ALDH2: variants seen among roughly 807,000 people sequenced by gnomAD.
The protein encoded by ALDH2 is aldehyde dehydrogenase, mitochondrial.
In ALDH2, 44 loss-of-function variants were observed where a neutral mutation model predicts 59.6. The observed-to-expected ratio is 0.74, with a 90% CI of 0.58 to 0.95. The LOEUF (loss-of-function observed/expected upper bound fraction) is 0.95. ALDH2 is among the 40% of genes least tolerant of loss of function. The pLI, the probability that ALDH2 is intolerant of heterozygous loss-of-function variation, is 0.00. For synonymous variants in ALDH2, 291 were observed against 284.0 expected, an observed-to-expected ratio of 1.02 and a Z score of -0.25; for missense variants, 570 against 696.3, an observed-to-expected ratio of 0.82 and a Z score of 2.04.
chr12:111,799,551 C>G (rs2068432342), intron 10 of ALDH2, among the ~76,000 whole-genome samples: 1 of 146,650 alleles, frequency 6.8e-6, no homozygotes, highest in African/African-American at 2.5e-5. Context: ...TCAAGCAGTT[C>G]TCCCACCTTG....
intron 4 of ALDH2, among the ~76,000 whole-genome samples, chr12:111,787,149 T>C (rs2068316591): frequency 1.3e-5 from 2 of 151,860 alleles, no homozygotes; most frequent in African/African-American, 4.8e-5. Flanking sequence ...GAGGTTACAG[T>C]GAGCCGAGAT....
chr12:111,772,733 G>T (rs575512196), intron 1 of ALDH2, among the ~76,000 whole-genome samples: 13 of 149,954 alleles, frequency 8.7e-5, no homozygotes, highest in Non-Finnish European at 1.8e-4. Context: ...GAGTGCAATG[G>T]CATGATCATA....
At chr12:111,783,773 G>A (rs1480306593) in intron 3 of ALDH2, among the ~76,000 whole-genome samples, 1 of 152,178 alleles carries the variant, frequency 6.6e-6, no homozygotes, top group African/African-American at 2.4e-5. Flanking sequence ...GCCTCCCAAA[G>A]TGCTGGGATT....
chr12:111,789,730 C>A, intron 4 of ALDH2, 93 bp from the exon 5 acceptor site: 1 of 1,062,638 alleles, frequency 9.4e-7, no homozygotes, highest in Non-Finnish European at 1.4e-6. Context: ...CAGAAAGACT[C>A]AGCTGGACCA....
chr12:111,800,148 G>A, intron 11 of ALDH2, 85 bp downstream of exon 11: 1 of 1,451,846 alleles, frequency 6.9e-7, no homozygotes, highest in Non-Finnish European at 9.2e-7. Context: ...CACCATCCTG[G>A]AATTTGGGGA....
At chr12:111,773,025 G>A (rs766417193) in intron 1 of ALDH2, among the ~76,000 whole-genome samples, 100 of 150,930 alleles carry the variant, frequency 6.6e-4, no homozygotes, top group Middle Eastern at 6.8e-3. Flanking sequence ...TTGGGAGGCC[G>A]AGGCAGGCGG....
At chr12:111,785,076 C>T (rs961169574) in intron 3 of ALDH2, among the ~76,000 whole-genome samples, 191 bp from the exon 4 acceptor site, 1 of 152,174 alleles carries the variant, frequency 6.6e-6, no homozygotes, top group Admixed American at 6.5e-5. Context: ...GGCCCCCTTC[C>T]TCCTCCTCCC....
rs1275343924 is a variant in ALDH2 at position 111,812,667 on chromosome 12, ACGAGTTCAAGATCAGC to A, written c.*3094_*3109del. The A allele has an allele frequency of 6.6e-6, 1 of 152,206 alleles. No individual in the cohort carries two copies. Among genetic ancestry groups the A allele is most frequent in the Admixed American group, 6.6e-5 (1 of 15,262 alleles). 9.4% of individuals were successfully genotyped at this position (152,206 alleles called of 1,614,324 possible). On this transcript the variant is annotated 3_prime_UTR_variant, in exon 13 of 13. Coordinates refer to ENST00000261733, the MANE Select transcript of ALDH2 (RefSeq NM_000690.4). ...TGAGGTGGGTGATTTGCTTCAGCCC[ACGAGTTCAAGATCAGC>A]CTGGCCAATATGGTGAAACCCCATC...
Position 111,781,948 on chromosome 12 carries a change from G to A in ALDH2, c.145G>A (p.Val49Ile), listed in dbSNP as rs778279256. The A allele has an allele frequency of 1.5e-5, 25 of 1,613,584 alleles. No individual in the cohort carries two copies. The highest frequency in any genetic ancestry group is 6.7e-5 in the African/African-American group (5 of 74,842). ...IFINNEWHDA[V>I]SRKTFPTVNP... ...CATAAACAATGAATGGCACGATGCC[G>A]TCAGCAGGAAAACATTCCCCACCGT... is the stretch of plus-strand genomic sequence containing the variant. The change falls in exon 2 of 13, where the codon GTC becomes ATC. Residue 49 changes from valine (V) to isoleucine (I), a missense_variant. Coordinates refer to ENST00000261733, the MANE Select transcript of ALDH2 (RefSeq NM_000690.4).
chr12:111,792,112 A>C lies in ALDH2; in HGVS notation c.847A>C (p.Thr283Pro), dbSNP rs1566189589. The C allele has an allele frequency of 6.2e-7, 1 of 1,608,118 alleles. No homozygotes were observed. Among genetic ancestry groups the C allele is most frequent in the Non-Finnish European group, 8.5e-7 (1 of 1,178,638 alleles). ...TGGGAGCAGCAACCTCAAGAGAGTG[A>C]CCTTGGAGCTGGGGGGGAAGAGCCC... ...AAGSSNLKRV[T>P]LELGGKSPNI... is the part of the protein sequence containing the mutation. The change falls in exon 8 of 13, where the codon ACC becomes CCC. Residue 283 changes from threonine to proline, a missense_variant. Thr to Pro is a conservative substitution (Grantham distance 38). Transcript: ENST00000261733.
rs959876129 is a variant in ALDH2 at position 111,811,750 on chromosome 12, A to C, written c.*2175A>C. On this transcript the variant is annotated 3_prime_UTR_variant, in exon 13 of 13. Transcript: ENST00000261733. ...CTGCCTCCCAGAGTACTGGGATTAC[A>C]AGTGTGAGCCACCGTGCCCGGCCAA... 7 of 152,732 alleles carry C rather than the reference A, an allele frequency of 4.6e-5. No individual in the cohort carries two copies. The highest frequency in any genetic ancestry group is 8.8e-5 in the Non-Finnish European group (6 of 68,470). 9.5% of individuals were successfully genotyped at this position (152,732 alleles called of 1,614,324 possible). A position where few individuals can be genotyped will look rare whatever the true frequency, so the allele number is the denominator to read the frequency against.
rs1212108104 is a variant in ALDH2, at chr12:111,811,570, T to C, written c.*1995T>C. 6.6e-6 allele frequency: 1 copy of C among 151,128 alleles called. No homozygotes were observed. Among genetic ancestry groups the C allele is most frequent in the African/African-American group, 2.4e-5 (1 of 41,106 alleles). 9.4% of individuals were successfully genotyped at this position (151,128 alleles called of 1,614,324 possible). ...CTCACTGCAACCTCTGCCTCCTGGGTTGGAGCAATTCTCCTGCCTCAGCCT... is the reference window on the plus strand; with the variant it reads ...CTCACTGCAACCTCTGCCTCCTGGGCTGGAGCAATTCTCCTGCCTCAGCCT... On this transcript the variant is annotated 3_prime_UTR_variant, in exon 13 of 13. Transcript: ENST00000261733.
At chr12:111,796,107 A>T (rs1034702077) in intron 9 of ALDH2, among the ~76,000 whole-genome samples, 5 of 151,592 alleles carry the variant, frequency 3.3e-5, no homozygotes, top group Non-Finnish European at 7.4e-5. Context: ...CTAAAAAAAA[A>T]AAAATGCAAA....
chr12:111,809,396 G>A (rs1336334719), intron 12 of ALDH2, 147 bp from the exon 13 acceptor site: 4 of 788,420 alleles, frequency 5.1e-6, no homozygotes, highest in Non-Finnish European at 8.2e-6. Flanking sequence ...CAAGGCAGTA[G>A]TGAGCTGTAA....
intron 11 of ALDH2, 138 bp from the exon 12 acceptor site, chr12:111,803,721 A>G (rs2068471782): frequency 2.6e-6 from 1 of 385,550 alleles, no homozygotes; most frequent in South Asian, 7.0e-5. Flanking sequence ...TGGGCAACAG[A>G]GAAAGATTCT....
intron 1 of ALDH2, chr12:111,775,503 G>A (rs2068228356): frequency 3.7e-5 from 14 of 376,300 alleles, no homozygotes; most frequent in South Asian, 2.8e-4. Flanking sequence ...TGGAATGCGT[G>A]GGTGAATGAA....
chr12:111,782,386 T>C (rs1043413704), intron 2 of ALDH2, among the ~76,000 whole-genome samples: 2 of 152,228 alleles, frequency 1.3e-5, no homozygotes, highest in African/African-American at 2.4e-5. Flanking sequence ...ACTGATAATA[T>C]TCTGTTTAAA....
intron 10 of ALDH2, 106 bp downstream of exon 10, chr12:111,798,348 G>C (rs1302749655): frequency 7.9e-7 from 1 of 1,268,332 alleles, no homozygotes; most frequent in African/African-American, 1.5e-5. Context: ...CTTGGGGCCA[G>C]ATCTCAAGTT....
intron 7 of ALDH2, among the ~76,000 whole-genome samples, chr12:111,791,735 T>A (rs113648753): frequency 0.015 from 2,323 of 152,202 alleles, 67 homozygotes; most frequent in African/African-American, 0.053. Context: ...TGACCAGGAC[T>A]GCCATTGTGG....
Sources: gnomAD v4.1 joint callset for allele counts (sites outside exome capture counted in the v4.1 genomes callset) on GRCh38, gnomAD v4.1.1 for gene constraint, MANE v1.5 for transcripts, NCBI Gene and HGNC (gene_info 2026-07-23, HGNC 2026-07-21) for gene names.